Variants in PPFIBP1 observed in about 807,000 individuals in gnomAD.
PPFIBP1 encodes liprin-beta-1.
A neutral mutation model predicts 137.8 loss-of-function variants in PPFIBP1; 112 were observed. The observed-to-expected ratio is 0.81, with a 90% confidence interval of 0.70 to 0.95. PPFIBP1 has a LOEUF of 0.95. Ranked by LOEUF, PPFIBP1 falls within the 40% of genes least tolerant of loss-of-function variation. The probability of loss-of-function intolerance (pLI) is 0.00; values close to 1 mark genes in which losing one functional copy is unlikely to be tolerated. For missense variants in PPFIBP1, 1,083 were observed against 1,196.6 expected, an observed-to-expected ratio of 0.91 and a Z score of 1.40; for synonymous variants, 378 against 417.3, an observed-to-expected ratio of 0.91 and a Z score of 1.15.
rs1159614180 is a variant in PPFIBP1, at chr12:27,655,167, A to T, written c.696+353A>T. The T allele has an allele frequency of 2.0e-6, 3 of 1,535,630 alleles. No homozygotes were observed. In the Admixed American group the frequency reaches 5.9e-5, roughly 30 times the overall value. On this transcript the variant is annotated intron_variant, in intron 8 of 29. Transcript: ENST00000228425. ...GTCTTTAATGGCCAAACTTTCTAGCATGAAAATCAAGGTGGGTCAGATGCA... is the reference window on the plus strand; with the variant it reads ...GTCTTTAATGGCCAAACTTTCTAGCTTGAAAATCAAGGTGGGTCAGATGCA...
In PPFIBP1 at chr12:27,667,225, G is replaced by A; in HGVS notation, c.1051G>A (p.Ala351Thr). 1 of 1,613,578 alleles carries A rather than the reference G, an allele frequency of 6.2e-7. No homozygotes were observed. The highest frequency in any genetic ancestry group is 8.5e-7 in the Non-Finnish European group (1 of 1,179,712). The change falls in exon 13 of 30, where the codon GCA (alanine) becomes ACA (threonine). Residue 351 changes from alanine (A) to threonine (T), a missense_variant. Ala to Thr is a moderately conservative substitution (Grantham distance 58). Transcript: ENST00000228425. ...CAGTTCCATCTCCTCTTTGCTGGAT[G>A]CACAGGGTTTCAGTGATCTGGAGAA... Reference protein sequence around the residue: ...NSSSISSLLDAQGFSDLEKSP... With the variant: ...NSSSISSLLDTQGFSDLEKSP...
At chr12:27,676,117 T>C (rs2060493957) in intron 17 of PPFIBP1, among the ~76,000 whole-genome samples, 1 of 152,208 alleles carries the variant, frequency 6.6e-6, no homozygotes, top group African/African-American at 2.4e-5. Flanking sequence ...TCCATGTCTT[T>C]TGAGGAATGA....
At chr12:27,525,111 G>A (rs1943578867) in intron 1 of PPFIBP1, among the ~76,000 whole-genome samples, 1 of 152,122 alleles carries the variant, frequency 6.6e-6, no homozygotes, top group Non-Finnish European at 1.5e-5. Context: ...ATCTTTTTTA[G>A]AGAAGGGAGT....
intron 3 of PPFIBP1, 56 bp from the exon 4 acceptor site, chr12:27,634,854 G>C: frequency 6.7e-7 from 1 of 1,481,484 alleles, no homozygotes; most frequent in South Asian, 1.1e-5. Flanking sequence ...CTTCGGCTTT[G>C]GTATTTTTAT....
At chr12:27,612,312 T>C (rs73080242) in intron 2 of PPFIBP1, among the ~76,000 whole-genome samples, 1,742 of 150,572 alleles carry the variant, frequency 0.012, 39 homozygotes, top group African/African-American at 0.04. Flanking sequence ...GTATGCTCCA[T>C]CTGTACTTTA....
At chr12:27,548,256 T>G (rs908620762) in intron 1 of PPFIBP1, 2 of 152,144 alleles carry the variant, frequency 1.3e-5, no homozygotes, top group African/African-American at 2.4e-5. Flanking sequence ...ATAAATGCAG[T>G]TGAATGGGTC....
At chr12:27,560,801 C>A (rs1006705012) in intron 1 of PPFIBP1, among the ~76,000 whole-genome samples, 1 of 152,220 alleles carries the variant, frequency 6.6e-6, no homozygotes, top group African/African-American at 2.4e-5. Flanking sequence ...CATTCTACCC[C>A]ACAGGAGCTG....
At chr12:27,673,647 A>G in intron 15 of PPFIBP1, 120 bp from the exon 16 acceptor site, 2 of 775,486 alleles carry the variant, frequency 2.6e-6, no homozygotes, top group South Asian at 1.8e-5. Flanking sequence ...CTGATTCCAG[A>G]TTTTCTTTTA....
At chr12:27,625,497 C>T (rs1432399439) in intron 2 of PPFIBP1, among the ~76,000 whole-genome samples, 1 of 151,274 alleles carries the variant, frequency 6.6e-6, no homozygotes, top group Non-Finnish European at 1.5e-5. Context: ...CTTAGAATGA[C>T]AGTAAGTCCT....
At chr12:27,537,288 C>G (rs540614108) in intron 1 of PPFIBP1, among the ~76,000 whole-genome samples, 1 of 152,142 alleles carries the variant, frequency 6.6e-6, no homozygotes, top group Non-Finnish European at 1.5e-5. Flanking sequence ...CCTGCCACCA[C>G]GTCCAGCTAA....
At chr12:27,644,383 T>C (rs978828880) in intron 4 of PPFIBP1, among the ~76,000 whole-genome samples, 1 of 151,828 alleles carries the variant, frequency 6.6e-6, no homozygotes, top group Non-Finnish European at 1.5e-5. Context: ...CCTTGGCCAG[T>C]TTTACTTTTT....
rs57127153 is a variant in PPFIBP1 at position 27,642,997 on chromosome 12, A to G, written c.271-3065A>G. On this transcript the variant is annotated intron_variant, in intron 4 of 29. Coordinates refer to ENST00000228425, the MANE Select transcript of PPFIBP1 (RefSeq NM_003622.4). ...AGAAGGTGTCTAAGGGAGCTCACAC[A>G]AGATGGCCTTAACTATTGTCCATTA... Among the ~76,000 whole-genome samples, 819 of 152,006 alleles carry G rather than the reference A, an allele frequency of 5.4e-3. 6 individuals carry two copies. Among genetic ancestry groups the G allele is most frequent in the African/African-American group, 0.016 (653 of 41,400 alleles).
chr12:27,525,513 GAAAAAA>G (rs56656340), intron 1 of PPFIBP1, among the ~76,000 whole-genome samples: 3 of 93,758 alleles, frequency 3.2e-5, no homozygotes, highest in African/African-American at 8.0e-5. Flanking sequence ...GAGCAGGAAG[GAAAAAA>G]AAAAAAAAAA....
At chr12:27,530,264 C>A (rs553089160) in intron 1 of PPFIBP1, among the ~76,000 whole-genome samples, 54 of 152,202 alleles carry the variant, frequency 3.5e-4, no homozygotes, top group Admixed American at 1.4e-3. Context: ...GTCGAATGAA[C>A]CTGTGGGTTC....
intron 2 of PPFIBP1, among the ~76,000 whole-genome samples, chr12:27,618,030 G>A (rs1175215683): frequency 6.6e-6 from 1 of 152,166 alleles, no homozygotes; most frequent in Non-Finnish European, 1.5e-5. Context: ...GTTACGGGTT[G>A]TCAGAACTTT....
chr12:27,564,737 C>T (rs970772099), intron 1 of PPFIBP1, among the ~76,000 whole-genome samples: 2 of 152,108 alleles, frequency 1.3e-5, no homozygotes, highest in Admixed American at 6.5e-5. Context: ...TCTTGCTTTC[C>T]GGGTCTCTCC....
At chr12:27,601,068 C>A (rs1311871914) in intron 2 of PPFIBP1, among the ~76,000 whole-genome samples, 1 of 152,134 alleles carries the variant, frequency 6.6e-6, no homozygotes, top group African/African-American at 2.4e-5. Context: ...CAGACTTATT[C>A]CTCTTGTCTA....
intron 2 of PPFIBP1, among the ~76,000 whole-genome samples, chr12:27,590,797 G>A (rs2052410131): frequency 6.6e-6 from 1 of 152,170 alleles, no homozygotes; most frequent in South Asian, 2.1e-4. Context: ...GGAACTTGAT[G>A]AGTATAGATT....
At chr12:27,641,549 C>G (rs2058104690) in intron 4 of PPFIBP1, among the ~76,000 whole-genome samples, 1 of 152,174 alleles carries the variant, frequency 6.6e-6, no homozygotes, top group South Asian at 2.1e-4. Context: ...TTGAAATTTT[C>G]TGTAATAAAA....
Sources: allele counts gnomAD v4.1 joint callset (sites outside exome capture counted in the v4.1 genomes callset), GRCh38; gene constraint gnomAD v4.1.1; transcripts MANE v1.5; gene names NCBI Gene and HGNC (gene_info 2026-07-23, HGNC 2026-07-21).